The following ASIC2 variants were observed in gnomAD, a reference collection of about 807,000 sequenced individuals.
ASIC2 encodes the protein acid sensing ion channel subunit 2.
Under a neutral mutation model 57.3 loss-of-function variants are expected in ASIC2, and 25 were observed. The observed-to-expected ratio is 0.44, with a 90% CI of 0.32 to 0.61. The LOEUF (loss-of-function observed/expected upper bound fraction) is 0.61, where lower values mean the gene tolerates loss of function less well. Ranked by LOEUF, ASIC2 falls within the 20% of genes least tolerant of loss-of-function variation. The pLI is 0.06. For missense variants in ASIC2, 641 were observed against 738.1 expected, an observed-to-expected ratio of 0.87 and a Z score of 1.52; for synonymous variants, 319 against 307.5, an observed-to-expected ratio of 1.04 and a Z score of -0.39.
intron 1 of ASIC2, among the ~76,000 whole-genome samples, chr17:33,610,999 G>A (rs1386457937): frequency 2.6e-5 from 4 of 152,192 alleles, no homozygotes; most frequent in Non-Finnish European, 1.5e-5. Context: ...GGAATCTGGT[G>A]GACCAGCAGA....
intron 1 of ASIC2, among the ~76,000 whole-genome samples, chr17:33,484,761 C>T (rs149791300): frequency 2.9e-4 from 44 of 152,306 alleles, no homozygotes; most frequent in African/African-American, 8.9e-4. Flanking sequence ...AAGAAATGCC[C>T]ATGAGTGTGA....
At chr17:34,036,086 G>A (rs747173953) in intron 1 of ASIC2, among the ~76,000 whole-genome samples, 39 of 151,916 alleles carry the variant, frequency 2.6e-4, no homozygotes, top group Non-Finnish European at 4.0e-4. Flanking sequence ...TGTTTATATC[G>A]TCAATATTCA....
At chr17:33,460,487 A>G (rs908768444) in intron 1 of ASIC2, among the ~76,000 whole-genome samples, 4 of 152,220 alleles carry the variant, frequency 2.6e-5, no homozygotes, top group Admixed American at 1.3e-4. Context: ...CTGCCATGAC[A>G]AAGTGAACTT....
chr17:33,880,155 A>G (rs1914663620), intron 1 of ASIC2, among the ~76,000 whole-genome samples: 1 of 152,258 alleles, frequency 6.6e-6, no homozygotes, highest in East Asian at 1.9e-4. Context: ...AGAAAGCAGG[A>G]AAGATCAAAA....
At chr17:33,831,049 C>T (rs1368709880) in intron 1 of ASIC2, among the ~76,000 whole-genome samples, 1 of 115,424 alleles carries the variant, frequency 8.7e-6, no homozygotes, top group Non-Finnish European at 1.6e-5. Flanking sequence ...GTGGAGGTTG[C>T]AATGAGCAGA....
At chr17:33,908,821 T>C (rs543890935) in intron 1 of ASIC2, among the ~76,000 whole-genome samples, 1 of 152,354 alleles carries the variant, frequency 6.6e-6, no homozygotes, top group Non-Finnish European at 1.5e-5. Flanking sequence ...TGCCCTATGC[T>C]TAAAACCTAA....
intron 1 of ASIC2, among the ~76,000 whole-genome samples, chr17:33,777,208 T>C (rs1911309212): frequency 6.6e-6 from 1 of 152,262 alleles, no homozygotes; most frequent in African/African-American, 2.4e-5. Context: ...CTTCTCAGAA[T>C]GAATGGCACT....
At chr17:33,721,566 C>A (rs552023331) in intron 1 of ASIC2, among the ~76,000 whole-genome samples, 2 of 152,208 alleles carry the variant, frequency 1.3e-5, no homozygotes, top group Non-Finnish European at 2.9e-5. Flanking sequence ...AACTCCCCTT[C>A]CAGCCCACAT....
chr17:33,019,638 C>G (rs922699896), intron 7 of ASIC2, among the ~76,000 whole-genome samples: 1 of 152,000 alleles, frequency 6.6e-6, no homozygotes, highest in Non-Finnish European at 1.5e-5. Flanking sequence ...TGAGGGTTTG[C>G]AAGCGGCACA....
At chr17:33,288,970 T>C (rs1169407199) in intron 1 of ASIC2, among the ~76,000 whole-genome samples, 2 of 152,116 alleles carry the variant, frequency 1.3e-5, no homozygotes, top group Non-Finnish European at 2.9e-5. Context: ...CAAGGCAGTG[T>C]GGTTAGAGGA....
chr17:33,357,655 A>G (rs1285509419), intron 1 of ASIC2, among the ~76,000 whole-genome samples: 1 of 152,110 alleles, frequency 6.6e-6, no homozygotes, highest in African/African-American at 2.4e-5. Context: ...TCCCACATGT[A>G]TTACTCCTGA....
At chr17:33,144,809 T>C (rs1312287571) in intron 1 of ASIC2, among the ~76,000 whole-genome samples, 2 of 152,180 alleles carry the variant, frequency 1.3e-5, no homozygotes, top group Non-Finnish European at 2.9e-5. Context: ...CTTTAGGACA[T>C]GTACCTAGAC....
chr17:33,799,442 CTTTCT>C lies in ASIC2; in HGVS notation c.555+356531_555+356535del, dbSNP rs1567719122. On this transcript the variant is annotated intron_variant, in intron 1 of 9. Coordinates refer to the ASIC2 transcript ENST00000359872. ...TTCTTTCTTTCTTCTTTCTTTCTTT[CTTTCT>C]TTCTTTCTTTCTTTCTTTCTTTCTT... Among the ~76,000 whole-genome samples the C allele has an allele frequency of 8.1e-4, 55 of 68,200 alleles. 2 individuals carry two copies. Among genetic ancestry groups the C allele is most frequent in the African/African-American group, 3.0e-3 (51 of 16,912 alleles). The allele number at this position is 68,200 out of a possible 152,430, so 44.7% of individuals were successfully genotyped here. A position where few individuals can be genotyped will look rare whatever the true frequency, so the allele number is the denominator to read the frequency against.
chr17:33,741,321 G>A (rs1035035252), intron 1 of ASIC2, among the ~76,000 whole-genome samples: 2 of 152,112 alleles, frequency 1.3e-5, no homozygotes, highest in African/African-American at 2.4e-5. Context: ...CTATCTCTGG[G>A]CACTTTGTTC....
At chr17:33,571,411 AAT>A (rs1916436449) in intron 1 of ASIC2, among the ~76,000 whole-genome samples, 1 of 152,244 alleles carries the variant, frequency 6.6e-6, no homozygotes, top group African/African-American at 2.4e-5. Flanking sequence ...TTCACTGATT[AAT>A]CACAGTACCC....
chr17:33,839,106 G>C (rs949441504), intron 1 of ASIC2, among the ~76,000 whole-genome samples: 6 of 152,186 alleles, frequency 3.9e-5, no homozygotes, highest in Admixed American at 1.3e-4. Flanking sequence ...CTCTTAGAAG[G>C]AGCCATCTGA....
rs576506826 is a variant in ASIC2 at position 33,601,312 on chromosome 17, C to T, written c.556-489245G>A. ...CATTTCAGAGGTCTTCCAGGATGTC[C>T]TTTCCATCTAGGGCCTTGAGAGAAG... On this transcript the variant is annotated intron_variant, in intron 1 of 9. Coordinates refer to the ASIC2 transcript ENST00000359872. 2.0e-5 allele frequency among the ~76,000 whole-genome samples: 3 copies of T among 152,286 alleles called. No homozygotes were observed. The South Asian group carries it at 6.2e-4, about 32-fold the overall frequency.
intron 1 of ASIC2, among the ~76,000 whole-genome samples, chr17:33,353,600 A>C (rs1418355279): frequency 6.6e-6 from 1 of 152,048 alleles, no homozygotes; most frequent in Non-Finnish European, 1.5e-5. Flanking sequence ...CAGACTCCCA[A>C]ATTTTGGAAT....
At chr17:33,652,405 G>A (rs1285903290) in intron 1 of ASIC2, among the ~76,000 whole-genome samples, 1 of 152,190 alleles carries the variant, frequency 6.6e-6, no homozygotes, top group East Asian at 1.9e-4. Context: ...GCAGTTATGT[G>A]CCAGGTATGT....
Sources: allele counts gnomAD v4.1 joint callset (sites outside exome capture counted in the v4.1 genomes callset), GRCh38; gene constraint gnomAD v4.1.1; transcripts MANE v1.5; gene names NCBI Gene and HGNC (gene_info 2026-07-23, HGNC 2026-07-21).